RIMBP2: variants seen among roughly 807,000 people sequenced by gnomAD.
RIMBP2 encodes RIMS-binding protein 2.
In RIMBP2, 48 loss-of-function variants were observed where a neutral mutation model predicts 118.6. That is an observed-to-expected ratio of 0.40 (90% CI 0.32 to 0.51). RIMBP2 has a LOEUF of 0.51. Among genes scored for constraint, RIMBP2 ranks in the 20% least tolerant of loss-of-function variants. The pLI, the probability that RIMBP2 is intolerant of heterozygous loss-of-function variation, is 0.41. For synonymous variants in RIMBP2, 762 were observed against 742.9 expected (o/e 1.03, Z -0.42); for missense variants, 1,551 against 1,768.3 (o/e 0.88, Z 2.20).
In RIMBP2 at chr12:130,617,035, T is replaced by C. The variant is rs1468939430; in HGVS notation, c.-217+11287A>G. ...CTCTGCAGAGGCCCCCATGTCCCAC[T>C]GATGAGAGGTTCCACCCCATCTCTC... On this transcript the variant is annotated intron_variant, in intron 2 of 22. Coordinates refer to ENST00000690449, the MANE Select transcript of RIMBP2 (RefSeq NM_001393629.1). The surrounding 1 kb of genome is among the most constrained non-coding windows in gnomAD (Gnocchi z 4.6). 6.6e-6 allele frequency among the ~76,000 whole-genome samples: 1 copy of C among 152,140 alleles called. No homozygotes were observed. Among genetic ancestry groups the C allele is most frequent in the Admixed American group, 6.5e-5 (1 of 15,268 alleles).
chr12:130,532,726 T>C (rs4759719), intron 2 of RIMBP2, among the ~76,000 whole-genome samples: 28,635 of 55,420 alleles, frequency 0.52, 9,412 homozygotes, highest in East Asian at 0.76. Context: ...TAATGAGATG[T>C]GTGTGTTCAG....
intron 1 of RIMBP2, among the ~76,000 whole-genome samples, chr12:130,664,853 A>G (rs1336775885): frequency 3.3e-5 from 5 of 151,840 alleles, no homozygotes; most frequent in Admixed American, 1.3e-4. Context: ...ATAAATGAAC[A>G]TAAATAAAGG....
At position 130,436,910 on chromosome 12, in the gene RIMBP2, G is replaced by T; in HGVS notation, c.2038C>A (p.Pro680Thr). The T allele has an allele frequency of 1.2e-6, 2 of 1,601,838 alleles. No homozygotes were observed. Among genetic ancestry groups the T allele is most frequent in the Non-Finnish European group, 1.7e-6 (2 of 1,175,424 alleles). ...SRILPQPQGTPVSTTVAKAMA... is the reference protein window; with the variant it reads ...SRILPQPQGTTVSTTVAKAMA... ...GCCTTGGCGACGGTGGTGGACACCGGGGTGCCCTGTGGCTGTGGCAGGATG... is the reference window on the plus strand; with the variant it reads ...GCCTTGGCGACGGTGGTGGACACCGTGGTGCCCTGTGGCTGTGGCAGGATG... The change falls in exon 13 of 23, where the codon CCG becomes ACG. Residue 680 changes from proline to threonine, a missense_variant. Physicochemically the swap from Pro to Thr is conservative, Grantham distance 38. Coordinates refer to ENST00000690449, the MANE Select transcript of RIMBP2 (RefSeq NM_001393629.1).
chr12:130,513,963 T>A (rs1345852413), intron 3 of RIMBP2, among the ~76,000 whole-genome samples: 1 of 152,084 alleles, frequency 6.6e-6, no homozygotes, highest in Non-Finnish European at 1.5e-5. Context: ...TACCCATGAG[T>A]CTGGAGGGAC....
rs145759827 is a variant in RIMBP2 at position 130,453,445 on chromosome 12, G to A, written c.359-2105C>T. Among the ~76,000 whole-genome samples the A allele has an allele frequency of 1.9e-3, 286 of 152,328 alleles. 1 individual carries two copies. The highest frequency in any genetic ancestry group is 6.5e-3 in the African/African-American group (271 of 41,576). On this transcript the variant is annotated intron_variant, in intron 7 of 22. Coordinates refer to ENST00000690449, the MANE Select transcript of RIMBP2 (RefSeq NM_001393629.1). ...CTCAGGTCAGTGTGGGAAGATCTGCGGCAGATGAACAGGTAAAAAATACAG... is the reference window on the plus strand; with the variant it reads ...CTCAGGTCAGTGTGGGAAGATCTGCAGCAGATGAACAGGTAAAAAATACAG...
In RIMBP2 at chr12:130,434,975, C is replaced by G; in HGVS notation, c.2107-95G>C. On this transcript the variant is annotated intron_variant, in intron 13 of 22. Coordinates refer to ENST00000690449, the MANE Select transcript of RIMBP2 (RefSeq NM_001393629.1). The surrounding 1 kb of genome is among the most constrained non-coding windows in gnomAD (Gnocchi z 5.7). The stretch of plus-strand genomic sequence containing the variant: ...TCACCAAACCTTCAGCCCCTCAGAG[C>G]CTGGCCAGGCACCCCCCACACAGTG... 2 of 1,343,438 alleles carry G rather than the reference C, an allele frequency of 1.5e-6. No homozygotes were observed. The highest frequency in any genetic ancestry group is 2.0e-6 in the Non-Finnish European group (2 of 989,650). 83.2% of individuals were successfully genotyped at this position (1,343,438 alleles called of 1,614,324 possible). A position where few individuals can be genotyped will look rare whatever the true frequency, so the allele number is the denominator to read the frequency against.
At chr12:130,589,128 T>C (rs2059103193) in intron 2 of RIMBP2, among the ~76,000 whole-genome samples, 1 of 152,164 alleles carries the variant, frequency 6.6e-6, no homozygotes, top group South Asian at 2.1e-4. Flanking sequence ...TACCCTCATA[T>C]CCCAGCTATA....
At chr12:130,474,298 G>A (rs1460363428) in intron 5 of RIMBP2, among the ~76,000 whole-genome samples, 4 of 152,218 alleles carry the variant, frequency 2.6e-5, no homozygotes, top group Admixed American at 2.6e-4. Context: ...GGCATTTACT[G>A]AATGTTAATG....
intron 7 of RIMBP2, among the ~76,000 whole-genome samples, chr12:130,453,599 C>G (rs146536184): frequency 6.6e-6 from 1 of 152,214 alleles, no homozygotes; most frequent in Non-Finnish European, 1.5e-5. Flanking sequence ...AAACATGGCA[C>G]GGACGGCCCC....
intron 1 of RIMBP2, among the ~76,000 whole-genome samples, chr12:130,630,623 G>A (rs1420212639): frequency 6.6e-6 from 1 of 152,064 alleles, no homozygotes; most frequent in Non-Finnish European, 1.5e-5. Context: ...TAAGCAAAGA[G>A]TACCATGAGA....
intron 1 of RIMBP2, among the ~76,000 whole-genome samples, chr12:130,696,515 A>C (rs1479426221): frequency 6.6e-6 from 1 of 152,252 alleles, no homozygotes; most frequent in Non-Finnish European, 1.5e-5. Context: ...GTAACAATTA[A>C]TATAGGTTGT....
At position 130,643,105 on chromosome 12, in the gene RIMBP2, G is replaced by A. The variant is rs114330409; in HGVS notation, c.-351-14649C>T. Among the ~76,000 whole-genome samples, 1,106 of 152,290 alleles carry A rather than the reference G, an allele frequency of 7.3e-3. 10 individuals are homozygous for A. Among genetic ancestry groups the A allele is most frequent in the African/African-American group, 0.025 (1,056 of 41,552 alleles). ...CTGGCTCAGCTGGCTGTGCTTACAC[G>A]AAGTCCCCGCAACAGCCACCTGCCA... On this transcript the variant is annotated intron_variant, in intron 1 of 22. Coordinates refer to ENST00000690449, the MANE Select transcript of RIMBP2 (RefSeq NM_001393629.1).
Position 130,422,419 on chromosome 12 carries a change from T to C in RIMBP2, c.3238+34A>G, listed in dbSNP as rs1292666493. On this transcript the variant is annotated intron_variant, in intron 17 of 22. Transcript: ENST00000690449. The surrounding 1 kb of genome is among the most constrained non-coding windows in gnomAD (Gnocchi z 5.2). The stretch of plus-strand genomic sequence containing the variant: ...AGTAAGCAGCCACATGCTCCGCGGC[T>C]GAAAGACACAACAGCGATGATGGGG... 2 of 1,488,270 alleles carry C rather than the reference T, an allele frequency of 1.3e-6. No individual in the cohort carries two copies. Among genetic ancestry groups the C allele is most frequent in the East Asian group, 4.6e-5 (2 of 43,760 alleles). The allele number at this position is 1,488,270 out of a possible 1,614,324, so 92.2% of individuals were successfully genotyped here.
rs2078521551 is a variant in RIMBP2, at chr12:130,446,339, C to T, written c.582-1070G>A. 6.6e-6 allele frequency among the ~76,000 whole-genome samples: 1 copy of T among 152,160 alleles called. No homozygotes were observed. Among genetic ancestry groups the T allele is most frequent in the African/African-American group, 2.4e-5 (1 of 41,418 alleles). On this transcript the variant is annotated intron_variant, in intron 9 of 22. Coordinates refer to ENST00000690449, the MANE Select transcript of RIMBP2 (RefSeq NM_001393629.1). The surrounding 1 kb of genome is among the most constrained non-coding windows in gnomAD (Gnocchi z 4.1). ...TTTCATACACGTTTTATTCGATGGC[C>T]ATTAAATGTTAGGAAAACAGAGAAG... is the stretch of plus-strand genomic sequence containing the variant.
intron 1 of RIMBP2, among the ~76,000 whole-genome samples, chr12:130,707,233 C>A (rs926294002): frequency 6.6e-6 from 1 of 152,154 alleles, no homozygotes; most frequent in Non-Finnish European, 1.5e-5. Context: ...CAGTCGTATC[C>A]AGCTGCAGAT....
intron 1 of RIMBP2, chr12:130,657,777 G>A (rs7962484): frequency 0.7 from 104,650 of 148,442 alleles, 37,539 homozygotes; most frequent in Non-Finnish European, 0.78. Flanking sequence ...CCAGCGCACT[G>A]GGCCCCAGGT....
chr12:130,461,550 G>T (rs1469414924), intron 6 of RIMBP2, among the ~76,000 whole-genome samples: 3 of 152,152 alleles, frequency 2.0e-5, no homozygotes, highest in Non-Finnish European at 4.4e-5. Context: ...GGAGCAGCAG[G>T]GCGTCGTCCC....
intron 2 of RIMBP2, among the ~76,000 whole-genome samples, chr12:130,624,106 A>G (rs1193586917): frequency 6.6e-6 from 1 of 152,238 alleles, no homozygotes; most frequent in East Asian, 1.9e-4. Flanking sequence ...AAACACAGCG[A>G]TTTACAAGGC....
intron 10 of RIMBP2, among the ~76,000 whole-genome samples, chr12:130,443,978 C>T (rs568039234): frequency 4.6e-5 from 7 of 152,272 alleles, no homozygotes; most frequent in South Asian, 2.1e-4. Context: ...TGAGGCACAG[C>T]GAGGTGAAGG....
Sources: allele counts gnomAD v4.1 joint callset (sites outside exome capture counted in the v4.1 genomes callset), GRCh38; gene constraint gnomAD v4.1.1; non-coding constraint Gnocchi (gnomAD v3.1); transcripts MANE v1.5; gene names NCBI Gene and HGNC (gene_info 2026-07-23, HGNC 2026-07-21).